Variants in PAK3 observed in about 807,000 individuals in gnomAD.
The protein encoded by PAK3 is serine/threonine-protein kinase PAK 3.
Under a neutral mutation model 41.0 loss-of-function variants are expected in PAK3, and 4 were observed. The observed-to-expected ratio is 0.10, with a 90% CI of 0.05 to 0.22. PAK3 has a LOEUF of 0.22. Among genes scored for constraint, PAK3 ranks in the 10% least tolerant of loss-of-function variants. The pLI, the probability that PAK3 is intolerant of heterozygous loss-of-function variation, is 1.00. For missense variants in PAK3, 205 were observed against 409.9 expected (o/e 0.50, Z 4.32); for synonymous variants, 146 against 139.6 (o/e 1.05, Z -0.32).
At chrX:110,948,257 T>C (rs1436904416) in intron 1 of PAK3, among the ~76,000 whole-genome samples, 1 of 112,192 alleles carries the variant, frequency 8.9e-6, no homozygotes, top group Non-Finnish European at 1.9e-5. Flanking sequence ...AATCTGAACA[T>C]ACACTGCTGA....
intron 1 of PAK3, among the ~76,000 whole-genome samples, chrX:110,962,573 G>A (rs1439487886): frequency 8.9e-6 from 1 of 112,342 alleles, no homozygotes; most frequent in Admixed American, 9.4e-5. Context: ...TGACTCCCAG[G>A]GACTTATAGC....
chrX:111,050,737 C>T lies in PAK3; in HGVS notation c.-27-72340C>T, dbSNP rs768052940. Reference sequence around the variant, plus strand: ...CTTCATCTTGAACCCTTGGTGGGAGCCAAAAGCCTATCAGAGACTGATTGT... The same window carrying T: ...CTTCATCTTGAACCCTTGGTGGGAGTCAAAAGCCTATCAGAGACTGATTGT... On this transcript the variant is annotated intron_variant, in intron 1 of 14. Coordinates refer to the PAK3 transcript ENST00000425146. 1.4e-4 allele frequency among the ~76,000 whole-genome samples: 16 copies of T among 112,383 alleles called. No individual in the cohort carries two copies. The South Asian group carries it at 5.5e-3, about 39-fold the overall frequency.
At chrX:111,178,980 T>TATAGAGAGAGAGAG (rs1211051270) in intron 11 of PAK3, among the ~76,000 whole-genome samples, 2 of 91,613 alleles carry the variant, frequency 2.2e-5, no homozygotes, top group African/African-American at 8.0e-5. Context: ...TATATATATA[T>TATAGAGAGAGAGAG]AGAGAGAGAG....
chrX:111,028,641 A>G (rs756941824), intron 1 of PAK3, among the ~76,000 whole-genome samples: 1 of 112,181 alleles, frequency 8.9e-6, no homozygotes, highest in Admixed American at 9.5e-5. Flanking sequence ...CTGTTAATAA[A>G]AGTTGGGTTG....
intron 1 of PAK3, among the ~76,000 whole-genome samples, chrX:111,059,266 C>T (rs2092634132): frequency 9.1e-6 from 1 of 110,150 alleles, no homozygotes; most frequent in African/African-American, 3.3e-5. Context: ...TTCAAGTGAC[C>T]TTCCACTTCA....
At chrX:111,048,893 A>G (rs2148786084) in intron 1 of PAK3, among the ~76,000 whole-genome samples, 1 of 112,102 alleles carries the variant, frequency 8.9e-6, no homozygotes, top group South Asian at 3.7e-4. Context: ...TTAAAAACAT[A>G]AATCAGATCA....
chrX:110,978,868 C>A (rs1348552653), intron 1 of PAK3, among the ~76,000 whole-genome samples: 1 of 110,771 alleles, frequency 9.0e-6, no homozygotes, highest in Non-Finnish European at 1.9e-5. Flanking sequence ...TCTCCCCTTT[C>A]CACTTTCTGG....
At chrX:111,137,801 T>C (rs2149072703) in intron 5 of PAK3, among the ~76,000 whole-genome samples, 1 of 111,655 alleles carries the variant, frequency 9.0e-6, no homozygotes, top group African/African-American at 3.2e-5. Context: ...GTAGCCTTGT[T>C]CTGAGTTCCA....
At chrX:110,974,965 A>T (rs187586245) in intron 1 of PAK3, among the ~76,000 whole-genome samples, 1 of 112,041 alleles carries the variant, frequency 8.9e-6, no homozygotes, top group Admixed American at 9.5e-5. Context: ...AAATCTCAAT[A>T]TAATAAGAGC....
At chrX:111,168,765 CT>C (rs1448121729) in intron 10 of PAK3, among the ~76,000 whole-genome samples, 2 of 111,713 alleles carry the variant, frequency 1.8e-5, no homozygotes, top group Non-Finnish European at 3.8e-5. Context: ...TGGGCTGAAG[CT>C]TTTTCTATAT....
intron 4 of PAK3, among the ~76,000 whole-genome samples, chrX:111,112,638 A>G (rs765589956): frequency 2.0e-4 from 22 of 111,334 alleles, no homozygotes; most frequent in Non-Finnish European, 3.4e-4. Context: ...CACCATATAA[A>G]TGATGAATAA....
chrX:111,164,972 A>G (rs773139484), intron 10 of PAK3, among the ~76,000 whole-genome samples: 1 of 111,484 alleles, frequency 9.0e-6, no homozygotes, highest in African/African-American at 3.3e-5. Flanking sequence ...TTGCCCTCCA[A>G]AGGACATTTA....
chrX:110,996,499 C>A (rs747741211), intron 1 of PAK3, among the ~76,000 whole-genome samples: 2 of 111,983 alleles, frequency 1.8e-5, no homozygotes, highest in East Asian at 2.8e-4. Flanking sequence ...GTGTTGACAT[C>A]TTAACACCCA....
chrX:111,129,239 C>T (rs1258534438), intron 5 of PAK3, among the ~76,000 whole-genome samples: 1 of 111,531 alleles, frequency 9.0e-6, no homozygotes, highest in Non-Finnish European at 1.9e-5. Flanking sequence ...ACTGGAGACC[C>T]TTTGGATCTT....
At chrX:111,108,329 A>G (rs936773732) in intron 4 of PAK3, among the ~76,000 whole-genome samples, 1 of 111,785 alleles carries the variant, frequency 8.9e-6, no homozygotes, top group Non-Finnish European at 1.9e-5. Context: ...TGCAGACCTT[A>G]GTGAGATTAT....
At chrX:110,950,265 T>C (rs2090713377) in intron 1 of PAK3, among the ~76,000 whole-genome samples, 1 of 112,433 alleles carries the variant, frequency 8.9e-6, no homozygotes, top group Admixed American at 9.4e-5. Context: ...TATCACATTG[T>C]GCATGTTTTT....
intron 11 of PAK3, among the ~76,000 whole-genome samples, chrX:111,176,220 T>A (rs936572804): frequency 8.1e-5 from 9 of 110,994 alleles, no homozygotes; most frequent in Non-Finnish European, 1.5e-4. Context: ...CAATAAATAT[T>A]TGTTGAGCTA....
intron 1 of PAK3, among the ~76,000 whole-genome samples, chrX:110,990,856 G>A (rs2091630208): frequency 1.8e-5 from 2 of 110,729 alleles, no homozygotes; most frequent in South Asian, 7.8e-4. Context: ...GGCCAGGCAC[G>A]GTGGTTCATG....
intron 1 of PAK3, among the ~76,000 whole-genome samples, chrX:110,981,440 G>A (rs2091444874): frequency 9.0e-6 from 1 of 111,269 alleles, no homozygotes; most frequent in African/African-American, 3.3e-5. Context: ...GATAATTGTG[G>A]TTATGTAAGA....
Sources: allele counts gnomAD v4.1 joint callset (sites outside exome capture counted in the v4.1 genomes callset), GRCh38; gene constraint gnomAD v4.1.1; transcripts MANE v1.5; gene names NCBI Gene and HGNC (gene_info 2026-07-23, HGNC 2026-07-21).